FRMD4A: variants seen among roughly 807,000 people sequenced by gnomAD.
FRMD4A encodes the protein FERM domain-containing protein 4A.
In FRMD4A, 29 loss-of-function variants were observed where a neutral mutation model predicts 129.1. That is an observed-to-expected ratio of 0.22 (90% CI 0.17 to 0.31). The LOEUF is 0.31. Ranked by LOEUF, FRMD4A falls within the 10% of genes least tolerant of loss-of-function variation. FRMD4A has a pLI of 1.00. For missense variants in FRMD4A, 1,272 were observed against 1,375.8 expected (o/e 0.92, Z 1.19); for synonymous variants, 634 against 571.6 (o/e 1.11, Z -1.56).
intron 23 of FRMD4A, chr10:13,652,359 G>T: frequency 4.5e-6 from 1 of 223,272 alleles, no homozygotes; most frequent in Admixed American, 5.3e-5. Context: ...TGTACATTTC[G>T]GAGCCTGTTG....
Position 13,962,622 on chromosome 10 carries a change from T to C in FRMD4A, c.46-103710A>G, listed in dbSNP as rs150715163. 3.7e-4 allele frequency among the ~76,000 whole-genome samples: 56 copies of C among 152,266 alleles called. 1 individual carries two copies. Among genetic ancestry groups the C allele is most frequent in the African/African-American group, 1.3e-3 (55 of 41,546 alleles). Reference sequence around the variant, plus strand: ...CAAGAGACTCCCAAACAAATACAAATTAAGTAAAACCCTGGCTGTTCTCCT... The same window carrying C: ...CAAGAGACTCCCAAACAAATACAAACTAAGTAAAACCCTGGCTGTTCTCCT... On this transcript the variant is annotated intron_variant, in intron 2 of 24. Transcript: ENST00000357447.
chr10:13,955,264 C>T (rs1238269255), intron 2 of FRMD4A, among the ~76,000 whole-genome samples: 8 of 152,022 alleles, frequency 5.3e-5, no homozygotes, highest in South Asian at 2.1e-4. Context: ...CTCACCACCA[C>T]GTCCAGCTAA....
chr10:13,834,075 C>T (rs2093834164), intron 3 of FRMD4A, among the ~76,000 whole-genome samples: 1 of 152,078 alleles, frequency 6.6e-6, no homozygotes, highest in Admixed American at 6.6e-5. Context: ...ACCAGCCTGG[C>T]CAACATGGCG....
At chr10:13,670,644 T>G in intron 16 of FRMD4A, 116 bp from the exon 17 acceptor site, 1 of 938,270 alleles carries the variant, frequency 1.1e-6, no homozygotes, top group Non-Finnish European at 1.7e-6. Flanking sequence ...TGCACTTCGA[T>G]ACAGGTCAAC....
rs151268301 is a variant in FRMD4A, at chr10:13,695,958, C to T, written c.976-1919G>A. On this transcript the variant is annotated intron_variant, in intron 14 of 24. Transcript: ENST00000357447. The stretch of plus-strand genomic sequence containing the variant: ...AGCGACTTCCGACCTCATGTTAACA[C>T]GATGGAAGTCTGCGGGCTGGAGGAA... 1.6e-3 allele frequency among the ~76,000 whole-genome samples: 246 copies of T among 152,360 alleles called. 1 individual carries two copies. The highest frequency in any genetic ancestry group is 3.4e-3 in the Admixed American group (52 of 15,306).
At chr10:14,320,738 C>G (rs7080891) in intron 2 of FRMD4A, among the ~76,000 whole-genome samples, 4 of 152,226 alleles carry the variant, frequency 2.6e-5, no homozygotes, top group African/African-American at 9.6e-5. Context: ...AAAATTCCTC[C>G]CAAAGCCTGG....
intron 2 of FRMD4A, among the ~76,000 whole-genome samples, chr10:14,045,483 T>A (rs908336887): frequency 6.6e-6 from 1 of 152,084 alleles, no homozygotes; most frequent in African/African-American, 2.4e-5. Context: ...GTGAGTTATA[T>A]ACTTTAAACA....
chr10:13,806,040 T>C (rs1387612660), intron 4 of FRMD4A, among the ~76,000 whole-genome samples: 1 of 152,128 alleles, frequency 6.6e-6, no homozygotes. Context: ...GTATTTTTAG[T>C]GGAGACGGGG....
intron 2 of FRMD4A, among the ~76,000 whole-genome samples, chr10:14,012,985 G>C (rs1409812105): frequency 6.6e-6 from 1 of 152,106 alleles, no homozygotes; most frequent in Non-Finnish European, 1.5e-5. Flanking sequence ...CGTGACTGAG[G>C]TCACACTGTA....
intron 2 of FRMD4A, among the ~76,000 whole-genome samples, chr10:14,115,706 G>T (rs371414632): frequency 6.6e-6 from 1 of 152,040 alleles, no homozygotes; most frequent in Non-Finnish European, 1.5e-5. Context: ...CTCCCTCCCC[G>T]CTCTCTCTTG....
intron 2 of FRMD4A, among the ~76,000 whole-genome samples, chr10:13,868,501 A>T (rs1179100433): frequency 6.6e-6 from 1 of 152,206 alleles, no homozygotes; most frequent in East Asian, 1.9e-4. Context: ...TCCTGGATTT[A>T]AAAAAACATA....
intron 2 of FRMD4A, among the ~76,000 whole-genome samples, chr10:13,968,055 C>A (rs890870711): frequency 3.3e-5 from 5 of 152,178 alleles, no homozygotes; most frequent in African/African-American, 1.2e-4. Context: ...TTTAAAGTGG[C>A]TCCCCAGTGA....
At chr10:14,309,210 G>A (rs1316088423) in intron 2 of FRMD4A, among the ~76,000 whole-genome samples, 6 of 152,152 alleles carry the variant, frequency 3.9e-5, no homozygotes, top group Non-Finnish European at 7.3e-5. Flanking sequence ...AGCTACGCAG[G>A]AGACCAAGGT....
chr10:13,702,728 G>C (rs933967309), intron 13 of FRMD4A, among the ~76,000 whole-genome samples: 1 of 151,878 alleles, frequency 6.6e-6, no homozygotes, highest in Non-Finnish European at 1.5e-5. Flanking sequence ...TTTTTTCATG[G>C]CTAATTTTCC....
At chr10:13,698,485 T>A (rs2086453916) in intron 14 of FRMD4A, among the ~76,000 whole-genome samples, 1 of 152,222 alleles carries the variant, frequency 6.6e-6, no homozygotes, top group Admixed American at 6.5e-5. Context: ...TAAAGAACAT[T>A]CCAGAAACAG....
chr10:13,983,009 C>T (rs563931881), intron 2 of FRMD4A, among the ~76,000 whole-genome samples: 2 of 152,176 alleles, frequency 1.3e-5, no homozygotes, highest in South Asian at 4.2e-4. Context: ...CTCTGTCGTG[C>T]AGTGGGAAGA....
intron 2 of FRMD4A, among the ~76,000 whole-genome samples, chr10:13,889,435 C>T (rs1467436112): frequency 6.6e-6 from 1 of 152,194 alleles, no homozygotes; most frequent in Non-Finnish European, 1.5e-5. Flanking sequence ...GAGCTGTGCA[C>T]ATCTGGGATG....
intron 2 of FRMD4A, among the ~76,000 whole-genome samples, chr10:14,224,120 A>G (rs1440657422): frequency 6.6e-6 from 1 of 152,246 alleles, no homozygotes; most frequent in African/African-American, 2.4e-5. Context: ...TCTGATGGAA[A>G]GAACTAGCTC....
At chr10:14,235,439 C>G in intron 2 of FRMD4A, among the ~76,000 whole-genome samples, 1 of 152,144 alleles carries the variant, frequency 6.6e-6, no homozygotes, top group East Asian at 1.9e-4. Flanking sequence ...TGAGCCACCG[C>G]GCCCGGCCGC....
Sources: allele counts gnomAD v4.1 joint callset (sites outside exome capture counted in the v4.1 genomes callset), GRCh38; gene constraint gnomAD v4.1.1; transcripts MANE v1.5; gene names NCBI Gene and HGNC (gene_info 2026-07-23, HGNC 2026-07-21).